The following TBX18 variants were observed in gnomAD, a reference collection of about 807,000 sequenced individuals.
TBX18 encodes T-box transcription factor TBX18.
In TBX18, 21 loss-of-function variants were observed where a neutral mutation model predicts 55.0. The ratio of observed to expected loss-of-function variants is 0.38; its 90% CI spans 0.27 to 0.55. The LOEUF is 0.55. Among genes scored for constraint, TBX18 ranks in the 20% least tolerant of loss-of-function variants. The pLI, the probability that TBX18 is intolerant of heterozygous loss-of-function variation, is 0.73. For missense variants in TBX18, 840 were observed against 799.6 expected (o/e 1.05, Z -0.61); for synonymous variants, 342 against 326.1 (o/e 1.05, Z -0.53).
intron 3 of TBX18, among the ~76,000 whole-genome samples, chr6:84,759,351 C>A (rs1283174645): frequency 6.6e-6 from 1 of 151,996 alleles, no homozygotes; most frequent in African/African-American, 2.4e-5. Flanking sequence ...AAAAACAAAT[C>A]TGATTTTGTT....
rs762002686 is a variant in TBX18 at position 84,744,294 on chromosome 6, A to G, written c.971T>C (p.Phe324Ser). Residue 324 changes from phenylalanine (F) to serine (S), a missense_variant, in exon 6 of 8, where the codon TTT (phenylalanine) becomes TCT (serine). Transcript: ENST00000369663. Reference protein sequence around the residue: ...ITRLKIDRNPFAKGFRDSGRN... With the variant: ...ITRLKIDRNPSAKGFRDSGRN... ...CCCGGAGTCTCGGAAGCCTTTAGCA[A>G]ATGGATTCCTATCTATCTTCAGGCG... 6.8e-6 allele frequency: 11 copies of G among 1,613,304 alleles called. No individual in the cohort carries two copies. Among genetic ancestry groups the G allele is most frequent in the Non-Finnish European group, 9.3e-6 (11 of 1,179,506 alleles).
chr6:84,734,570 A>G lies in TBX18; in HGVS notation c.*2115T>C, dbSNP rs867022788. ...AGTCTCTGAAGTGACGTGGTGATTAATATTTACAGTAAAACCTAAAAAAAG... is the reference window on the plus strand; with the variant it reads ...AGTCTCTGAAGTGACGTGGTGATTAGTATTTACAGTAAAACCTAAAAAAAG... On this transcript the variant is annotated 3_prime_UTR_variant, in exon 8 of 8. Coordinates refer to ENST00000369663, the MANE Select transcript of TBX18 (RefSeq NM_001080508.3). 6.5e-6 allele frequency: 1 copy of G among 152,750 alleles called. No homozygotes were observed. The highest frequency in any genetic ancestry group is 3.4e-3 in the Middle Eastern group (1 of 294). 9.5% of individuals were successfully genotyped at this position (152,750 alleles called of 1,614,324 possible). A position where few individuals can be genotyped will look rare whatever the true frequency, so the allele number is the denominator to read the frequency against.
chr6:84,755,417 T>G (rs1316314181), intron 4 of TBX18, among the ~76,000 whole-genome samples: 2 of 152,280 alleles, frequency 1.3e-5, no homozygotes, highest in African/African-American at 4.8e-5. Flanking sequence ...CAAAAAAAAG[T>G]CCTTCAATGA....
rs1562255805 is a variant in TBX18, at chr6:84,737,991, A to G, written c.1099+506T>C. On this transcript the variant is annotated intron_variant, in intron 7 of 7. Coordinates refer to ENST00000369663, the MANE Select transcript of TBX18 (RefSeq NM_001080508.3). ...TGGAGCAGACCAGAGAGGAAGCAAC[A>G]TCGCTTTCCATGCAGTTCCCTCTGA... is the stretch of plus-strand genomic sequence containing the variant. 3.3e-5 allele frequency among the ~76,000 whole-genome samples: 5 copies of G among 152,170 alleles called. No homozygotes were observed. In the South Asian group the frequency reaches 1.0e-3, roughly 32 times the overall value.
chr6:84,743,853 T>C (rs1767109441), intron 6 of TBX18, among the ~76,000 whole-genome samples: 1 of 152,194 alleles, frequency 6.6e-6, no homozygotes. Flanking sequence ...GCTGGAAATA[T>C]GACTTAACGA....
At position 84,736,454 on chromosome 6, in the gene TBX18, C is replaced by T. The variant is rs1773944880; in HGVS notation, c.*231G>A. 1 of 361,698 alleles carries T rather than the reference C, an allele frequency of 2.8e-6. No homozygotes were observed. The highest frequency in any genetic ancestry group is 2.1e-5 in the African/African-American group (1 of 47,696). 22.4% of individuals were successfully genotyped at this position (361,698 alleles called of 1,614,324 possible). A position where few individuals can be genotyped will look rare whatever the true frequency, so the allele number is the denominator to read the frequency against. On this transcript the variant is annotated 3_prime_UTR_variant, in exon 8 of 8. Coordinates refer to ENST00000369663, the MANE Select transcript of TBX18 (RefSeq NM_001080508.3). ...CAATACTCCGTGCAACTGGATGAAA[C>T]AGGGGAACAATAGGGGCCGTGATAC... is the stretch of plus-strand genomic sequence containing the variant.
chr6:84,755,868 A>G (rs896039191), intron 4 of TBX18, among the ~76,000 whole-genome samples: 1 of 152,246 alleles, frequency 6.6e-6, no homozygotes, highest in African/African-American at 2.4e-5. Flanking sequence ...TTTGTTTTAA[A>G]AGATATTCTC....
At position 84,748,124 on chromosome 6, in the gene TBX18, CCT is replaced by C. The variant is rs1244639316; in HGVS notation, c.772-39_772-38del. Reference sequence around the variant, plus strand: ...AAGGAAAAGCTGAATTTATCAGAAGCCTCTGCCCAACCTCAACAACCTGACTA... The same window carrying C: ...AAGGAAAAGCTGAATTTATCAGAAGCCTGCCCAACCTCAACAACCTGACTA... On this transcript the variant is annotated intron_variant, in intron 4 of 7. Coordinates refer to ENST00000369663, the MANE Select transcript of TBX18 (RefSeq NM_001080508.3). 11 of 1,540,818 alleles carry C rather than the reference CCT, an allele frequency of 7.1e-6. 1 individual carries two copies. The Admixed American group carries it at 1.8e-4, about 25-fold the overall frequency.
At chr6:84,739,530 C>T (rs1378624820) in intron 6 of TBX18, among the ~76,000 whole-genome samples, 1 of 152,070 alleles carries the variant, frequency 6.6e-6, no homozygotes, top group East Asian at 1.9e-4. Context: ...CACCTGAGAC[C>T]TCATCACTCT....
At chr6:84,757,557 C>A (rs1350094460) in intron 3 of TBX18, among the ~76,000 whole-genome samples, 1 of 151,974 alleles carries the variant, frequency 6.6e-6, no homozygotes, top group Non-Finnish European at 1.5e-5. Context: ...ATAAAAAATT[C>A]TTTCAAATCA....
chr6:84,751,485 G>T (rs921488886), intron 4 of TBX18, among the ~76,000 whole-genome samples: 2 of 152,138 alleles, frequency 1.3e-5, no homozygotes, highest in African/African-American at 2.4e-5. Flanking sequence ...TTATCTATAA[G>T]AACTTTATGT....
rs755978718 is a variant in TBX18, at chr6:84,736,878, G to C, written c.1631C>G (p.Pro544Arg). 6.2e-7 allele frequency: 1 copy of C among 1,613,454 alleles called. No individual in the cohort carries two copies. Among genetic ancestry groups the C allele is most frequent in the East Asian group, 2.2e-5 (1 of 44,880 alleles). ...FSTSPKLAASPEKIVSSQGSF... is the reference protein window; with the variant it reads ...FSTSPKLAASREKIVSSQGSF... ...TCCTTGGGAAGAAACAATTTTCTCA[G>C]GACTGGCAGCCAGTTTGGGGGATGT... Residue 544 changes from proline to arginine, a missense_variant, in exon 8 of 8, where the codon CCT (proline) becomes CGT (arginine). By Grantham distance (103) the Pro-to-Arg change is moderately radical. Coordinates refer to ENST00000369663, the MANE Select transcript of TBX18 (RefSeq NM_001080508.3).
chr6:84,744,628 C>T (rs913591695), intron 5 of TBX18, among the ~76,000 whole-genome samples: 2 of 152,072 alleles, frequency 1.3e-5, no homozygotes, highest in Non-Finnish European at 2.9e-5. Context: ...CTGTTGGTAA[C>T]GTGCCCTATA....
chr6:84,762,572 T>C lies in TBX18; in HGVS notation c.469A>G (p.Thr157Ala). ...ELWKRFHEIG[T>A]EMIITKAGRR... ...CCGGCCTTGGTGATGATCATCTCAG[T>C]GCCTATCTCATGAAAGCGCTTCCAG... The change falls in exon 2 of 8, where the codon ACT becomes GCT. Residue 157 changes from threonine (T) to alanine (A), a missense_variant. Thr to Ala is a moderately conservative substitution (Grantham distance 58, BLOSUM62 0). Transcript: ENST00000369663. The C allele has an allele frequency of 6.2e-7, 1 of 1,613,996 alleles. No individual in the cohort carries two copies. Among genetic ancestry groups the C allele is most frequent in the Non-Finnish European group, 8.5e-7 (1 of 1,180,008 alleles).
intron 5 of TBX18, 76 bp downstream of exon 5, chr6:84,747,844 A>G: frequency 7.5e-7 from 1 of 1,339,350 alleles, no homozygotes; most frequent in Non-Finnish European, 1.0e-6. Context: ...TAATATTTAG[A>G]GTGAGAAGGA....
Position 84,735,653 on chromosome 6 carries a change from AG to A in TBX18, c.*1031del. 1.3e-5 allele frequency: 2 copies of A among 152,268 alleles called. No individual in the cohort carries two copies. The highest frequency in any genetic ancestry group is 2.9e-5 in the Non-Finnish European group (2 of 68,042). 9.4% of individuals were successfully genotyped at this position (152,268 alleles called of 1,614,324 possible). A position where few individuals can be genotyped will look rare whatever the true frequency, so the allele number is the denominator to read the frequency against. ...TAGGAATTACAAGATATAAATAAGT[AG>A]CATAAATGCATTTTTTTTACTTATA... On this transcript the variant is annotated 3_prime_UTR_variant, in exon 8 of 8. Transcript: ENST00000369663.
intron 3 of TBX18, among the ~76,000 whole-genome samples, chr6:84,759,761 T>C (rs1023091444): frequency 1.3e-5 from 2 of 152,032 alleles, no homozygotes; most frequent in African/African-American, 4.8e-5. Flanking sequence ...GATTTTTATT[T>C]TTCTTACTTG....
At position 84,734,859 on chromosome 6, in the gene TBX18, A is replaced by G. The variant is rs779874667; in HGVS notation, c.*1826T>C. On this transcript the variant is annotated 3_prime_UTR_variant, in exon 8 of 8. Transcript: ENST00000369663. ...GTCAAGCTATTAATGCCATACCCAA[A>G]CATCTTACATAGATCCACCTACTGC... The G allele has an allele frequency of 9.2e-5, 14 of 152,192 alleles. No individual in the cohort carries two copies. The highest frequency in any genetic ancestry group is 2.1e-4 in the South Asian group (1 of 4,828). The allele number at this position is 152,192 out of a possible 1,614,324, so 9.4% of individuals were successfully genotyped here.
In TBX18 at chr6:84,747,013, A is replaced by G. The variant is rs373042888; in HGVS notation, c.939+907T>C. On this transcript the variant is annotated intron_variant, in intron 5 of 7. Coordinates refer to ENST00000369663, the MANE Select transcript of TBX18 (RefSeq NM_001080508.3). ...TGATGTCTCCATACGGATAAGAGCT[A>G]TTGAGCCTCTCAGCCCAAAGAACAC... Among the ~76,000 whole-genome samples, 6 of 152,132 alleles carry G rather than the reference A, an allele frequency of 3.9e-5. No individual in the cohort carries two copies. The East Asian group carries it at 7.7e-4, about 19-fold the overall frequency.
Sources: allele counts gnomAD v4.1 joint callset (sites outside exome capture counted in the v4.1 genomes callset), GRCh38; gene constraint gnomAD v4.1.1; transcripts MANE v1.5; gene names NCBI Gene and HGNC (gene_info 2026-07-23, HGNC 2026-07-21).